Variants in MROH9 observed in about 807,000 individuals in gnomAD.
MROH9 encodes the protein maestro heat-like repeat-containing protein family member 9.
A neutral mutation model predicts 98.2 loss-of-function variants in MROH9; 92 were observed. The ratio of observed to expected loss-of-function variants is 0.94; its 90% CI spans 0.79 to 1.11. The LOEUF is 1.11. Among genes scored for constraint, MROH9 ranks in the 50% most tolerant of loss-of-function variants. MROH9 has a pLI of 0.00. For synonymous variants in MROH9, 397 were observed against 368.9 expected (o/e 1.08, Z -0.87); for missense variants, 1,057 against 1,014.8 (o/e 1.04, Z -0.57).
At chr1:170,972,035 T>C (rs1650480278) in intron 8 of MROH9, 152 bp downstream of exon 8, 1 of 900,206 alleles carries the variant, frequency 1.1e-6, no homozygotes. Context: ...CTTTTAATCT[T>C]TTTAGCATTG....
intron 15 of MROH9, among the ~76,000 whole-genome samples, chr1:171,012,693 C>T (rs1217730549): frequency 1.3e-5 from 2 of 151,856 alleles, no homozygotes; most frequent in African/African-American, 2.4e-5. Flanking sequence ...TTAGTAGAGA[C>T]GGGGTTTCAC....
At chr1:171,026,226 C>T (rs1318078226) in intron 20 of MROH9, among the ~76,000 whole-genome samples, 2 of 151,738 alleles carry the variant, frequency 1.3e-5, no homozygotes, top group Non-Finnish European at 2.9e-5. Flanking sequence ...CACACACACA[C>T]ACCCTCACAA....
intron 5 of MROH9, among the ~76,000 whole-genome samples, chr1:170,959,957 A>G (rs1165423768): frequency 1.3e-5 from 2 of 152,240 alleles, no homozygotes; most frequent in African/African-American, 2.4e-5. Context: ...CCATTTCTTC[A>G]GCATTGCTAT....
In MROH9 at chr1:170,951,095, T is replaced by C. The variant is rs529318784; in HGVS notation, c.72+3522T>C. 3.9e-5 allele frequency among the ~76,000 whole-genome samples: 6 copies of C among 152,204 alleles called. No homozygotes were observed. The South Asian group carries it at 1.2e-3, about 32-fold the overall frequency. On this transcript the variant is annotated intron_variant, in intron 3 of 21. Coordinates refer to ENST00000367759, the MANE Select transcript of MROH9 (RefSeq NM_001163629.2). ...ATAGAGATTTGCCATCAGTTAGAGA[T>C]GACCACACTAAATTTTGATCTAGTT...
intron 7 of MROH9, among the ~76,000 whole-genome samples, chr1:170,969,064 T>C (rs1650339756): frequency 6.6e-6 from 1 of 152,182 alleles, no homozygotes; most frequent in Non-Finnish European, 1.5e-5. Flanking sequence ...AGAATTGCTA[T>C]TTGACACAGA....
chr1:170,957,927 G>A (rs1245599308), intron 3 of MROH9, among the ~76,000 whole-genome samples: 1 of 151,974 alleles, frequency 6.6e-6, no homozygotes. Context: ...TCCTGCCTCG[G>A]TCTCCCGAGT....
intron 20 of MROH9, among the ~76,000 whole-genome samples, chr1:171,040,863 A>G (rs1352966396): frequency 6.6e-6 from 1 of 152,114 alleles, no homozygotes; most frequent in African/African-American, 2.4e-5. Flanking sequence ...GCATGTATCA[A>G]TTGAATATTT....
Position 170,998,282 on chromosome 1 carries a change from T to G in MROH9, c.1596+8T>G. ...TTAATATTCCTCACTGAAGTGAGTT[T>G]TGTAGACTGTGAACAGCTGTGTTCT... is the stretch of plus-strand genomic sequence containing the variant. On this transcript the variant is annotated splice_region_variant and intron_variant, in intron 15 of 21. Coordinates refer to ENST00000367759, the MANE Select transcript of MROH9 (RefSeq NM_001163629.2). 1 of 1,613,484 alleles carries G rather than the reference T, an allele frequency of 6.2e-7. No homozygotes were observed.
At chr1:170,997,189 C>G (rs144211918) in intron 14 of MROH9, among the ~76,000 whole-genome samples, 12 of 152,174 alleles carry the variant, frequency 7.9e-5, no homozygotes, top group African/African-American at 2.6e-4. Context: ...GACAACATGA[C>G]AGACTAAGAC....
At chr1:170,999,684 T>A (rs56684086) in intron 15 of MROH9, among the ~76,000 whole-genome samples, 13,637 of 152,190 alleles carry the variant, frequency 0.09, 787 homozygotes, top group African/African-American at 0.16. Context: ...TTCCTCTGGG[T>A]AGATATCCAG....
At chr1:170,968,304 T>C (rs1242900495) in intron 7 of MROH9, among the ~76,000 whole-genome samples, 1 of 152,194 alleles carries the variant, frequency 6.6e-6, no homozygotes, top group Admixed American at 6.5e-5. Context: ...TTGACACACA[T>C]TGGCAGACAG....
intron 1 of MROH9, among the ~76,000 whole-genome samples, chr1:170,942,394 C>T (rs1164876718): frequency 1.3e-5 from 2 of 151,572 alleles, no homozygotes; most frequent in Non-Finnish European, 1.5e-5. Context: ...CACACACACA[C>T]ACACACACAC....
intron 17 of MROH9, among the ~76,000 whole-genome samples, chr1:171,017,557 C>A (rs1652367956): frequency 6.6e-6 from 1 of 152,210 alleles, no homozygotes; most frequent in South Asian, 2.1e-4. Flanking sequence ...ACTGGCACAA[C>A]AGCTGTGGCT....
chr1:170,970,702 C>CTGTGTGTGGGTGTGTG (rs1650409634), intron 7 of MROH9, among the ~76,000 whole-genome samples: 1 of 118,478 alleles, frequency 8.4e-6, no homozygotes, highest in African/African-American at 3.4e-5. Flanking sequence ...TTAGGAATTT[C>CTGTGTGTGGGTGTGTG]TGTGTGTGTG....
chr1:170,945,030 T>C (rs966578863), intron 1 of MROH9, among the ~76,000 whole-genome samples: 1 of 151,996 alleles, frequency 6.6e-6, no homozygotes, highest in African/African-American at 2.4e-5. Flanking sequence ...ATGAGTCTTT[T>C]AAGTCTGGGT....
rs534468081 is a variant in MROH9 at position 170,987,076 on chromosome 1, C to T, written c.879+366C>T. ...TTAACTATGTTGCCCAGGCTGGTCTCAAACTCCTGGGCTCAAGCAACCCTC... is the reference window on the plus strand; with the variant it reads ...TTAACTATGTTGCCCAGGCTGGTCTTAAACTCCTGGGCTCAAGCAACCCTC... On this transcript the variant is annotated intron_variant, in intron 10 of 21. Coordinates refer to ENST00000367759, the MANE Select transcript of MROH9 (RefSeq NM_001163629.2). Among the ~76,000 whole-genome samples, 8 of 152,182 alleles carry T rather than the reference C, an allele frequency of 5.3e-5. No homozygotes were observed. In the South Asian group the frequency reaches 1.5e-3, roughly 28 times the overall value.
At chr1:171,013,976 G>T (rs1389102948) in intron 15 of MROH9, 141 bp from the exon 16 acceptor site, 3 of 670,152 alleles carry the variant, frequency 4.5e-6, no homozygotes, top group African/African-American at 1.8e-5. Flanking sequence ...TCTCCCCACT[G>T]CTGTGAGCAC....
At chr1:170,970,149 A>G (rs989836786) in intron 7 of MROH9, among the ~76,000 whole-genome samples, 2 of 152,180 alleles carry the variant, frequency 1.3e-5, no homozygotes, top group African/African-American at 4.8e-5. Context: ...TTACAAAAAC[A>G]TCTACTAAGA....
chr1:171,032,672 C>G (rs1652961620), intron 20 of MROH9, among the ~76,000 whole-genome samples: 1 of 152,108 alleles, frequency 6.6e-6, no homozygotes, highest in Admixed American at 6.5e-5. Context: ...TCTCTGAGCT[C>G]AAGGGGCACC....
Sources: allele counts gnomAD v4.1 joint callset (sites outside exome capture counted in the v4.1 genomes callset), GRCh38; gene constraint gnomAD v4.1.1; transcripts MANE v1.5; gene names NCBI Gene and HGNC (gene_info 2026-07-23, HGNC 2026-07-21).